SYNJ1: variants seen among roughly 807,000 people sequenced by gnomAD.
SYNJ1 encodes polyphosphatidylinositol phosphatase SYNJ1.
In SYNJ1, 78 loss-of-function variants were observed where a neutral mutation model predicts 168.2. The ratio of observed to expected loss-of-function variants is 0.46; its 90% CI spans 0.39 to 0.56. The LOEUF (loss-of-function observed/expected upper bound fraction) is 0.56, where lower values mean the gene tolerates loss of function less well. Among genes scored for constraint, SYNJ1 ranks in the 20% least tolerant of loss-of-function variants. The probability of loss-of-function intolerance (pLI) is 0.00; values close to 1 mark genes in which losing one functional copy is unlikely to be tolerated. For synonymous variants in SYNJ1, 539 were observed against 548.6 expected (o/e 0.98, Z 0.24); for missense variants, 1,303 against 1,597.6 (o/e 0.82, Z 3.14).
At chr21:32,696,104 G>A (rs932562478) in intron 4 of SYNJ1, among the ~76,000 whole-genome samples, 19 of 151,888 alleles carry the variant, frequency 1.3e-4, no homozygotes, top group Admixed American at 5.9e-4. Context: ...CACCTGCCTC[G>A]GCCTCCCAAA....
chr21:32,659,840 C>T (rs370912021), intron 18 of SYNJ1, among the ~76,000 whole-genome samples: 284 of 152,256 alleles, frequency 1.9e-3, no homozygotes, highest in Non-Finnish European at 3.5e-3. Flanking sequence ...CTTGGTTCCC[C>T]GACCGGGAAG....
chr21:32,662,116 G>C (rs1478296797), intron 18 of SYNJ1, among the ~76,000 whole-genome samples: 1 of 152,134 alleles, frequency 6.6e-6, no homozygotes, highest in Non-Finnish European at 1.5e-5. Context: ...TGCAGCTGCT[G>C]AAACTTGGGA....
intron 32 of SYNJ1, 55 bp from the exon 33 acceptor site, chr21:32,631,856 C>T (rs1434572021): frequency 7.0e-7 from 1 of 1,428,432 alleles, no homozygotes; most frequent in African/African-American, 1.4e-5. Flanking sequence ...TTAATACCCC[C>T]TATTCTTCCT....
intron 15 of SYNJ1, among the ~76,000 whole-genome samples, chr21:32,667,658 T>C (rs1368155427): frequency 1.3e-5 from 2 of 152,014 alleles, no homozygotes; most frequent in Non-Finnish European, 2.9e-5. Context: ...CTGCAACCTC[T>C]GCCTGAGCTC....
chr21:32,727,331 C>G (rs1327349944), intron 1 of SYNJ1, among the ~76,000 whole-genome samples: 2 of 152,054 alleles, frequency 1.3e-5, no homozygotes, highest in African/African-American at 4.8e-5. Flanking sequence ...GTGAAAGGAG[C>G]GGAGGTGGGA....
intron 2 of SYNJ1, among the ~76,000 whole-genome samples, chr21:32,722,954 T>A (rs992659921): frequency 6.6e-6 from 1 of 152,158 alleles, no homozygotes; most frequent in Non-Finnish European, 1.5e-5. Flanking sequence ...AAAAAAGCAA[T>A]CCCCTAATCT....
chr21:32,697,498 TAAA>T (rs200017303), intron 4 of SYNJ1, among the ~76,000 whole-genome samples: 10 of 143,686 alleles, frequency 7.0e-5, no homozygotes, highest in East Asian at 2.0e-4. Flanking sequence ...TTAAGTGAAT[TAAA>T]AAAAAAAAAA....
At position 32,638,194 on chromosome 21, in the gene SYNJ1, A is replaced by G. The variant is rs138801578; in HGVS notation, c.3915+714T>C. ...AGTAATCCTCCCACCTCAGACTCCC[A>G]AGTAGCCAGGACCACAGGTGCATGG... On this transcript the variant is annotated intron_variant, in intron 31 of 32. Coordinates refer to ENST00000674351, the MANE Select transcript of SYNJ1 (RefSeq NM_203446.3). Among the ~76,000 whole-genome samples the G allele has an allele frequency of 1.2e-3, 184 of 152,202 alleles. 1 individual carries two copies. Among genetic ancestry groups the G allele is most frequent in the African/African-American group, 4.3e-3 (177 of 41,540 alleles).
At chr21:32,639,307 T>C (rs553379481) in intron 30 of SYNJ1, among the ~76,000 whole-genome samples, 182 bp from the exon 31 acceptor site, 103 of 152,270 alleles carry the variant, frequency 6.8e-4, no homozygotes, top group African/African-American at 2.4e-3. Context: ...AGGTGGGAGA[T>C]GACAGAAGGA....
At chr21:32,632,650 T>C (rs1420148419) in intron 32 of SYNJ1, among the ~76,000 whole-genome samples, 1 of 152,160 alleles carries the variant, frequency 6.6e-6, no homozygotes, top group Non-Finnish European at 1.5e-5. Flanking sequence ...CCTCCCAAAG[T>C]GTCAGGATTA....
chr21:32,707,533 T>C (rs1266098960), intron 2 of SYNJ1, among the ~76,000 whole-genome samples: 1 of 152,010 alleles, frequency 6.6e-6, no homozygotes, highest in African/African-American at 2.4e-5. Flanking sequence ...AGGGTCTTTC[T>C]ATGTTGCCCA....
At chr21:32,700,158 T>C in intron 3 of SYNJ1, 53 bp from the exon 4 acceptor site, 1 of 1,531,678 alleles carries the variant, frequency 6.5e-7, no homozygotes, top group Non-Finnish European at 8.8e-7. Context: ...TTTCAAGCTA[T>C]TCCATTTCTT....
At chr21:32,713,966 G>GA (rs954161035) in intron 2 of SYNJ1, among the ~76,000 whole-genome samples, 65 of 152,304 alleles carry the variant, frequency 4.3e-4, no homozygotes, top group African/African-American at 1.5e-3. Context: ...TTATTCTCTG[G>GA]AAAGCTCTCT....
intron 2 of SYNJ1, among the ~76,000 whole-genome samples, chr21:32,717,066 T>A (rs113290104): frequency 0.032 from 4,905 of 152,170 alleles, 82 homozygotes; most frequent in Middle Eastern, 0.037. Context: ...TTCAAGTAAT[T>A]CTCCTGCCTC....
rs578168658 is a variant in SYNJ1, at chr21:32,699,233, T to C, written c.479+605A>G. On this transcript the variant is annotated intron_variant, in intron 4 of 32. Coordinates refer to ENST00000674351, the MANE Select transcript of SYNJ1 (RefSeq NM_203446.3). ...CTCCAAGAAAGGAGTGGGCTGACCCTGCTGGAAACACCCCCAAGACATTCT... is the reference window on the plus strand; with the variant it reads ...CTCCAAGAAAGGAGTGGGCTGACCCCGCTGGAAACACCCCCAAGACATTCT... 6.6e-5 allele frequency among the ~76,000 whole-genome samples: 10 copies of C among 152,346 alleles called. No homozygotes were observed. In the East Asian group the frequency reaches 1.7e-3, roughly 26 times the overall value.
intron 30 of SYNJ1, 147 bp downstream of exon 30, chr21:32,639,524 T>C (rs1240140781): frequency 6.2e-6 from 4 of 647,740 alleles, no homozygotes; most frequent in African/African-American, 3.7e-5. Context: ...CCCGAGTAGC[T>C]GGGACCACAG....
At chr21:32,634,921 A>C in intron 31 of SYNJ1, 37 bp from the exon 32 acceptor site, 1 of 1,612,736 alleles carries the variant, frequency 6.2e-7, no homozygotes, top group Non-Finnish European at 8.5e-7. Context: ...GGAAAGAGTT[A>C]GGAGGACAAT....
intron 15 of SYNJ1, among the ~76,000 whole-genome samples, chr21:32,667,642 G>A (rs940322620): frequency 5.9e-5 from 9 of 151,882 alleles, no homozygotes; most frequent in African/African-American, 9.7e-5. Flanking sequence ...GCAGGATGTC[G>A]GTTCACTGCA....
intron 6 of SYNJ1, among the ~76,000 whole-genome samples, chr21:32,691,288 G>A (rs562859305): frequency 2.0e-5 from 3 of 152,222 alleles, no homozygotes; most frequent in East Asian, 1.9e-4. Flanking sequence ...GTAGCACCTC[G>A]CTCTTATCTT....
Sources: allele counts gnomAD v4.1 joint callset (sites outside exome capture counted in the v4.1 genomes callset), GRCh38; gene constraint gnomAD v4.1.1; transcripts MANE v1.5; gene names NCBI Gene and HGNC (gene_info 2026-07-23, HGNC 2026-07-21).